The following ZMIZ1 variants were observed in gnomAD, a reference collection of about 807,000 sequenced individuals.
ZMIZ1 encodes zinc finger MIZ-type containing 1, also known as zinc finger MIZ domain-containing protein 1.
Under a neutral mutation model 113.9 loss-of-function variants are expected in ZMIZ1, and 17 were observed. The observed-to-expected ratio is 0.15, with a 90% CI of 0.10 to 0.22. The LOEUF is 0.22. Among genes scored for constraint, ZMIZ1 ranks in the 10% least tolerant of loss-of-function variants. The pLI, the probability that ZMIZ1 is intolerant of heterozygous loss-of-function variation, is 1.00. For synonymous variants in ZMIZ1, 607 were observed against 603.1 expected (o/e 1.01, Z -0.09); for missense variants, 1,059 against 1,477.8 (o/e 0.72, Z 4.65).
chr10:79,074,245 C>A (rs994733756), intron 1 of ZMIZ1, among the ~76,000 whole-genome samples: 31 of 152,234 alleles, frequency 2.0e-4, no homozygotes, highest in African/African-American at 7.5e-4. Flanking sequence ...CCAACCCCTG[C>A]GCTGCCTCCT....
intron 2 of ZMIZ1, among the ~76,000 whole-genome samples, chr10:79,129,097 A>G (rs1418064067): frequency 6.6e-6 from 1 of 152,026 alleles, no homozygotes; most frequent in Non-Finnish European, 1.5e-5. Flanking sequence ...CCGTTTGTTT[A>G]ATGGTTTTTA....
chr10:79,074,275 C>T (rs561271589), intron 1 of ZMIZ1, among the ~76,000 whole-genome samples: 3 of 152,320 alleles, frequency 2.0e-5, no homozygotes, highest in East Asian at 1.9e-4. Flanking sequence ...ACTGAGTGAG[C>T]GCTCCAGCCA....
Position 79,307,430 on chromosome 10 carries a change from C to G in ZMIZ1, c.2694C>G (p.Asn898Lys). 1 of 1,612,876 alleles carries G rather than the reference C, an allele frequency of 6.2e-7. No homozygotes were observed. The highest frequency in any genetic ancestry group is 8.5e-7 in the Non-Finnish European group (1 of 1,179,462). Residue 898 changes from asparagine to lysine, a missense_variant, in exon 23 of 25, where the codon AAC becomes AAG. Physicochemically the swap from Asn to Lys is moderately conservative, Grantham distance 94. Transcript: ENST00000334512. The stretch of plus-strand genomic sequence containing the variant: ...GCAACAACTACCAAGGCCATGGCAA[C>G]TTTGACTTCCCCCACGGGAACCCTG... ...SQGNNYQGHG[N>K]FDFPHGNPGG... is the part of the protein sequence containing the mutation.
intron 7 of ZMIZ1, among the ~76,000 whole-genome samples, chr10:79,240,168 G>A (rs1283651212): frequency 1.7e-5 from 2 of 116,044 alleles, no homozygotes; most frequent in African/African-American, 2.7e-5. Flanking sequence ...CAGCGCGGGG[G>A]CTGCAGCTCG....
chr10:79,158,747 G>A (rs1321586198), intron 3 of ZMIZ1, among the ~76,000 whole-genome samples: 1 of 152,230 alleles, frequency 6.6e-6, no homozygotes, highest in African/African-American at 2.4e-5. Context: ...GGGCTGGGAA[G>A]GTAGATATGA....
chr10:79,077,746 TA>T (rs1175360212), intron 1 of ZMIZ1, among the ~76,000 whole-genome samples: 1 of 152,238 alleles, frequency 6.6e-6, no homozygotes, highest in African/African-American at 2.4e-5. Context: ...TCCACATCTG[TA>T]AAACAGGCTT....
intron 7 of ZMIZ1, among the ~76,000 whole-genome samples, chr10:79,226,286 C>T (rs556745242): frequency 6.6e-6 from 1 of 152,306 alleles, no homozygotes; most frequent in South Asian, 2.1e-4. Flanking sequence ...CAGGCCATCC[C>T]TGCATCTCTG....
At chr10:79,136,374 G>C (rs1432896572) in intron 2 of ZMIZ1, among the ~76,000 whole-genome samples, 2 of 152,248 alleles carry the variant, frequency 1.3e-5, no homozygotes, top group African/African-American at 4.8e-5. Context: ...AAGGACCCCA[G>C]CCCTGCCTTG....
At chr10:79,143,470 T>C (rs1314709928) in intron 3 of ZMIZ1, among the ~76,000 whole-genome samples, 9 of 152,184 alleles carry the variant, frequency 5.9e-5, no homozygotes, top group South Asian at 2.1e-4. Context: ...CGTGCAGCTC[T>C]AGTCCCACCT....
At chr10:79,150,799 G>A (rs981668604) in intron 3 of ZMIZ1, among the ~76,000 whole-genome samples, 1 of 152,066 alleles carries the variant, frequency 6.6e-6, no homozygotes, top group African/African-American at 2.4e-5. Flanking sequence ...CCAGAAGCCG[G>A]GCGACGGAGC....
At chr10:79,078,570 CTTTTTT>C (rs34178865) in intron 1 of ZMIZ1, among the ~76,000 whole-genome samples, 3 of 87,810 alleles carry the variant, frequency 3.4e-5, no homozygotes, top group Admixed American at 1.4e-4. Context: ...CCACCCCCGA[CTTTTTT>C]TTTTTTTTTT....
intron 1 of ZMIZ1, among the ~76,000 whole-genome samples, chr10:79,077,132 G>A (rs1362968329): frequency 6.6e-6 from 1 of 152,168 alleles, no homozygotes; most frequent in African/African-American, 2.4e-5. Flanking sequence ...ACTAGGAAGA[G>A]CCAGCTAGGC....
chr10:79,289,700 T>G, intron 8 of ZMIZ1, 75 bp from the exon 9 acceptor site: 1 of 1,380,506 alleles, frequency 7.2e-7, no homozygotes, highest in South Asian at 1.2e-5. Flanking sequence ...GGTCACTTGG[T>G]GGGGTGATGG....
chr10:79,269,554 C>T (rs1288195212), intron 7 of ZMIZ1, among the ~76,000 whole-genome samples: 1 of 151,894 alleles, frequency 6.6e-6, no homozygotes, highest in African/African-American at 2.4e-5. Flanking sequence ...GCCTTTGTTT[C>T]ATTTTGCGTG....
chr10:79,201,785 C>T (rs1402583254), intron 5 of ZMIZ1, 93 bp downstream of exon 5: 3 of 1,402,060 alleles, frequency 2.1e-6, no homozygotes, highest in African/African-American at 2.8e-5. Context: ...GAGACGATGG[C>T]AGGGCCTCCT....
chr10:79,303,806 C>T (rs1244220216), intron 18 of ZMIZ1, among the ~76,000 whole-genome samples: 1 of 152,264 alleles, frequency 6.6e-6, no homozygotes, highest in Non-Finnish European at 1.5e-5. Context: ...ACACACACCA[C>T]ACGTGTCCCA....
chr10:79,105,681 TCTC>T (rs765173247), intron 1 of ZMIZ1, among the ~76,000 whole-genome samples: 34 of 152,240 alleles, frequency 2.2e-4, no homozygotes, highest in Non-Finnish European at 4.6e-4. Flanking sequence ...CATTGTTTGT[TCTC>T]CTTGTATTTG....
chr10:79,245,870 C>A (rs1186103150), intron 7 of ZMIZ1, among the ~76,000 whole-genome samples: 3 of 152,216 alleles, frequency 2.0e-5, no homozygotes, highest in Admixed American at 2.0e-4. Flanking sequence ...CCACCGAAGG[C>A]TGGTAGCCGC....
intron 7 of ZMIZ1, among the ~76,000 whole-genome samples, chr10:79,274,969 G>A (rs746846861): frequency 2.0e-5 from 3 of 152,236 alleles, no homozygotes; most frequent in Non-Finnish European, 4.4e-5. Flanking sequence ...GGGGTGGGGC[G>A]GGCAGCAGGC....
Sources: allele counts gnomAD v4.1 joint callset (sites outside exome capture counted in the v4.1 genomes callset), GRCh38; gene constraint gnomAD v4.1.1; transcripts MANE v1.5; gene names NCBI Gene and HGNC (gene_info 2026-07-23, HGNC 2026-07-21).